SLC25A48: variants seen among roughly 807,000 people sequenced by gnomAD.
SLC25A48 encodes the protein CTC-321K16.1.
A neutral mutation model predicts 32.2 loss-of-function variants in SLC25A48; 29 were observed. The ratio of observed to expected loss-of-function variants is 0.90; its 90% CI spans 0.67 to 1.23. SLC25A48 has a LOEUF of 1.23. Ranked by LOEUF, SLC25A48 falls within the 50% of genes most tolerant of loss-of-function variation. SLC25A48 has a pLI of 0.00. For synonymous variants in SLC25A48, 164 were observed against 172.3 expected (o/e 0.95, Z 0.38); for missense variants, 399 against 422.7 (o/e 0.94, Z 0.49).
chr5:135,838,496 A>C (rs1758721365), intron 1 of SLC25A48, among the ~76,000 whole-genome samples: 1 of 152,250 alleles, frequency 6.6e-6, no homozygotes, highest in African/African-American at 2.4e-5. Flanking sequence ...CAGTGGGGTA[A>C]ATATCTGCAG....
chr5:135,666,277 C>G (rs2126938219), intron 3 of SLC25A48, among the ~76,000 whole-genome samples: 1 of 152,320 alleles, frequency 6.6e-6, no homozygotes, highest in East Asian at 1.9e-4. Context: ...TTTAAGTGCA[C>G]TGAACCACTA....
Position 135,837,651 on chromosome 5 carries a change from G to A in SLC25A48, c.46+2758G>A, listed in dbSNP as rs141883528. Among the ~76,000 whole-genome samples, 51 of 152,156 alleles carry A rather than the reference G, an allele frequency of 3.4e-4. No individual in the cohort carries two copies. In the East Asian group the frequency reaches 9.1e-3, roughly 27 times the overall value. ...ATGCTGTTCTCATGGTAGTGAATAA[G>A]TCTCATGAGATCCAATGGCTTTATA... On this transcript the variant is annotated intron_variant, in intron 1 of 7. Coordinates refer to ENST00000681962, the MANE Select transcript of SLC25A48 (RefSeq NM_001349336.2).
At chr5:135,766,983 C>T (rs1041124672) in intron 3 of SLC25A48, among the ~76,000 whole-genome samples, 2 of 151,290 alleles carry the variant, frequency 1.3e-5, no homozygotes, top group African/African-American at 4.9e-5. Flanking sequence ...TGATATGGTT[C>T]GTAATATACA....
At chr5:135,780,826 G>C (rs1756701181) in intron 3 of SLC25A48, among the ~76,000 whole-genome samples, 1 of 114,900 alleles carries the variant, frequency 8.7e-6, no homozygotes. Flanking sequence ...CAATATCGCA[G>C]GCGGTGTAGA....
intron 1 of SLC25A48, among the ~76,000 whole-genome samples, chr5:135,603,230 C>A (rs1751843246): frequency 6.6e-6 from 1 of 152,222 alleles, no homozygotes; most frequent in Non-Finnish European, 1.5e-5. Context: ...TTCCTTCTGT[C>A]CCTCTAGGCT....
At chr5:135,765,669 G>A (rs1756196380) in intron 3 of SLC25A48, among the ~76,000 whole-genome samples, 1 of 151,260 alleles carries the variant, frequency 6.6e-6, no homozygotes, top group Admixed American at 6.6e-5. Flanking sequence ...GTCTCTGGGG[G>A]CGTACACCAC....
At chr5:135,674,867 G>T (rs1342328867) in intron 3 of SLC25A48, among the ~76,000 whole-genome samples, 3 of 151,336 alleles carry the variant, frequency 2.0e-5, no homozygotes, top group African/African-American at 7.3e-5. Context: ...TAAATACCCA[G>T]TAATGGGATT....
rs1165505992 is a variant in SLC25A48, at chr5:135,879,603, AGAGAGAGAGT to A, written c.814-363_814-354del. On this transcript the variant is annotated intron_variant, in intron 6 of 7. Coordinates refer to ENST00000681962, the MANE Select transcript of SLC25A48 (RefSeq NM_001349336.2). ...CCCGAGGAGAGAGAGAGAGAGAGAG[AGAGAGAGAGT>A]GTGTGTGTGTGTGTGTGTGTGTGTG... Among the ~76,000 whole-genome samples, 454 of 130,110 alleles carry A rather than the reference AGAGAGAGAGT, an allele frequency of 3.5e-3. 2 individuals carry two copies. The highest frequency in any genetic ancestry group is 0.016 in the African/African-American group (437 of 26,788). The allele number at this position is 130,110 out of a possible 152,430, so 85.4% of individuals were successfully genotyped here.
At chr5:135,830,468 C>T (rs192681379), upstream of SLC25A48, among the ~76,000 whole-genome samples, 958 of 152,324 alleles carry the variant, frequency 6.3e-3, 5 homozygotes, top group Middle Eastern at 0.014. Flanking sequence ...CCCAGGCAGC[C>T]CAGCTTTCCC....
chr5:135,630,099 C>A (rs1752521505), intron 2 of SLC25A48, among the ~76,000 whole-genome samples: 1 of 152,114 alleles, frequency 6.6e-6, no homozygotes, highest in African/African-American at 2.4e-5. Flanking sequence ...ATGCATATGC[C>A]AAGGAATGAA....
intron 1 of SLC25A48, among the ~76,000 whole-genome samples, chr5:135,620,982 C>T (rs1752313343): frequency 2.0e-5 from 3 of 152,322 alleles, no homozygotes; most frequent in Non-Finnish European, 2.9e-5. Context: ...TCCCTTCCTT[C>T]TCCTTCCAGA....
intron 3 of SLC25A48, among the ~76,000 whole-genome samples, chr5:135,852,311 C>A (rs1226383904): frequency 6.6e-6 from 1 of 152,324 alleles, no homozygotes; most frequent in South Asian, 2.1e-4. Flanking sequence ...GCATGCATGG[C>A]ATGTGTGGGT....
Position 135,871,594 on chromosome 5 carries a change from G to T in SLC25A48, c.555G>T (p.Leu185=). Residue 185 remains leucine, a synonymous_variant, in exon 5 of 8, where the codon CTG becomes CTT. Transcript: ENST00000681962. ...TATACCGGGGGGCCAGTGCCATGCT[G>T]CTGAGGGATGTCCCAGGCTATTGCC... The part of the protein sequence containing the change: ...AGLYRGASAM[L]LRDVPGYCLY... The T allele has an allele frequency of 6.2e-7, 1 of 1,614,224 alleles. No homozygotes were observed. The highest frequency in any genetic ancestry group is 8.5e-7 in the Non-Finnish European group (1 of 1,180,024).
At chr5:135,766,831 C>A (rs1476613237) in intron 3 of SLC25A48, among the ~76,000 whole-genome samples, 2 of 151,122 alleles carry the variant, frequency 1.3e-5, no homozygotes, top group East Asian at 3.9e-4. Flanking sequence ...TGTACACCAT[C>A]TTGCGATATA....
At chr5:135,880,657 T>G (rs995894211) in intron 7 of SLC25A48, among the ~76,000 whole-genome samples, 2 of 152,150 alleles carry the variant, frequency 1.3e-5, no homozygotes, top group African/African-American at 4.8e-5. Flanking sequence ...CTGACTCCTG[T>G]GCTCACATGC....
intron 1 of SLC25A48, among the ~76,000 whole-genome samples, chr5:135,623,372 TC>T (rs1227552113): frequency 6.6e-6 from 1 of 152,212 alleles, no homozygotes; most frequent in Non-Finnish European, 1.5e-5. Flanking sequence ...GACAGGTGTT[TC>T]CCCATCGGCA....
At chr5:135,725,563 A>AT (rs1755069658) in intron 3 of SLC25A48, among the ~76,000 whole-genome samples, 1 of 152,178 alleles carries the variant, frequency 6.6e-6, no homozygotes, top group African/African-American at 2.4e-5. Context: ...CATCTCTCAA[A>AT]TGGCCTCCCT....
chr5:135,882,961 T>C, intron 7 of SLC25A48: 1 of 833,846 alleles, frequency 1.2e-6, no homozygotes, highest in Non-Finnish European at 1.4e-6. Flanking sequence ...TGCCTCTTAC[T>C]GCTTCACAAA....
chr5:135,773,203 T>G (rs535817460), intron 3 of SLC25A48, among the ~76,000 whole-genome samples: 15 of 151,626 alleles, frequency 9.9e-5, no homozygotes, highest in Admixed American at 5.9e-4. Context: ...CCTGTGATAT[T>G]GTTCTTAATA....
Sources: gnomAD v4.1 joint callset for allele counts (sites outside exome capture counted in the v4.1 genomes callset) on GRCh38, gnomAD v4.1.1 for gene constraint, MANE v1.5 for transcripts, NCBI Gene and HGNC (gene_info 2026-07-23, HGNC 2026-07-21) for gene names.